Variants in MAP3K13 observed in about 807,000 individuals in gnomAD.
The protein encoded by MAP3K13 is mitogen-activated protein kinase kinase kinase 13.
MAP3K13 carries 52 observed loss-of-function variants against 104.0 expected under a neutral mutation model. The observed-to-expected ratio is 0.50, with a 90% CI of 0.40 to 0.63. The LOEUF (loss-of-function observed/expected upper bound fraction) is 0.63. Among genes scored for constraint, MAP3K13 ranks in the 20% least tolerant of loss-of-function variants. MAP3K13 has a pLI of 0.00. For synonymous variants in MAP3K13, 394 were observed against 442.2 expected (o/e 0.89, Z 1.37); for missense variants, 914 against 1,218.5 (o/e 0.75, Z 3.72).
Position 185,482,271 on chromosome 3 carries a change from C to T in MAP3K13, c.2800-84C>T. The T allele has an allele frequency of 1.0e-6, 1 of 961,044 alleles. No homozygotes were observed. The highest frequency in any genetic ancestry group is 1.7e-6 in the Non-Finnish European group (1 of 593,684). 59.5% of individuals were successfully genotyped at this position (961,044 alleles called of 1,614,324 possible). A position where few individuals can be genotyped will look rare whatever the true frequency, so the allele number is the denominator to read the frequency against. On this transcript the variant is annotated intron_variant, in intron 13 of 13. Coordinates refer to ENST00000265026, the MANE Select transcript of MAP3K13 (RefSeq NM_004721.5). The surrounding 1 kb of genome is among the most constrained non-coding windows in gnomAD (Gnocchi z 4.5). ...ACCTTTGTAGCCCCCTTACCAAGCACAGTGCCTGTTGTGTGGGAGGTGTTT... is the reference window on the plus strand; with the variant it reads ...ACCTTTGTAGCCCCCTTACCAAGCATAGTGCCTGTTGTGTGGGAGGTGTTT...
At chr3:185,295,348 GCGCCCGCCACT>G (rs1334022025) in intron 2 of MAP3K13, among the ~76,000 whole-genome samples, 1 of 152,060 alleles carries the variant, frequency 6.6e-6, no homozygotes, top group Non-Finnish European at 1.5e-5. Flanking sequence ...GGGATTATAG[GCGCCCGCCACT>G]ATGCCTGGCT....
chr3:185,455,751 T>G lies in MAP3K13; in HGVS notation c.1278+4356T>G, dbSNP rs201711480. Among the ~76,000 whole-genome samples, 38 of 12,378 alleles carry G rather than the reference T, an allele frequency of 3.1e-3. 1 individual carries two copies. The highest frequency in any genetic ancestry group is 6.7e-3 in the East Asian group (3 of 448). 8.1% of individuals were successfully genotyped at this position (12,378 alleles called of 152,430 possible). On this transcript the variant is annotated intron_variant, in intron 7 of 13. Coordinates refer to ENST00000265026, the MANE Select transcript of MAP3K13 (RefSeq NM_004721.5). Reference sequence around the variant, plus strand: ...ATATATATATGAGATATATATATGATATATATATGAGATATATATATGATA... The same window carrying G: ...ATATATATATGAGATATATATATGAGATATATATGAGATATATATATGATA...
intron 7 of MAP3K13, among the ~76,000 whole-genome samples, chr3:185,454,880 TATGA>T (rs796751076): frequency 0.033 from 1,706 of 52,232 alleles, 65 homozygotes; most frequent in East Asian, 0.088. Flanking sequence ...GAGATATATA[TATGA>T]TATATATATG....
At position 185,447,602 on chromosome 3, in the gene MAP3K13, A is replaced by T. The variant is rs138057324; in HGVS notation, c.852-187A>T. Among the ~76,000 whole-genome samples, 484 of 152,018 alleles carry T rather than the reference A, an allele frequency of 3.2e-3. 3 individuals carry two copies. Among genetic ancestry groups the T allele is most frequent in the African/African-American group, 0.011 (452 of 41,496 alleles). On this transcript the variant is annotated intron_variant, in intron 4 of 13. Transcript: ENST00000265026. ...TAGGTGTTAAAAGCCCATTACGCTAAACTGCCTCACAAGTATGAATGATGC... is the reference window on the plus strand; with the variant it reads ...TAGGTGTTAAAAGCCCATTACGCTATACTGCCTCACAAGTATGAATGATGC...
chr3:185,402,690 G>A (rs1047119171), intron 1 of MAP3K13, among the ~76,000 whole-genome samples: 7 of 152,146 alleles, frequency 4.6e-5, no homozygotes, highest in African/African-American at 1.4e-4. Context: ...AATCCTGGGC[G>A]CTGTGTTGTT....
intron 1 of MAP3K13, among the ~76,000 whole-genome samples, chr3:185,393,868 A>AT (rs1053157792): frequency 6.6e-6 from 1 of 152,090 alleles, no homozygotes; most frequent in African/African-American, 2.4e-5. Context: ...ATACCCAGTC[A>AT]TTTTTTCTGC....
At chr3:185,417,956 T>G in intron 1 of MAP3K13, 1 of 1,608,246 alleles carries the variant, frequency 6.2e-7, no homozygotes, top group Non-Finnish European at 8.5e-7. Context: ...TTGTAGTTAC[T>G]CTTGAGGGAA....
At chr3:185,454,522 A>ATATGAGATATATATGATATATAT (rs1560116749) in intron 7 of MAP3K13, among the ~76,000 whole-genome samples, 4 of 77,604 alleles carry the variant, frequency 5.2e-5, no homozygotes, top group South Asian at 7.4e-4. Flanking sequence ...TATGATATAT[A>ATATGAGATATATATGATATATAT]CCATATATAT....
At chr3:185,366,600 T>A (rs1340629580) in intron 1 of MAP3K13, among the ~76,000 whole-genome samples, 1 of 152,222 alleles carries the variant, frequency 6.6e-6, no homozygotes, top group Non-Finnish European at 1.5e-5. Flanking sequence ...CAACACTTGT[T>A]ATTATCTATC....
At chr3:185,312,279 C>T (rs767942586) in intron 2 of MAP3K13, among the ~76,000 whole-genome samples, 1 of 152,262 alleles carries the variant, frequency 6.6e-6, no homozygotes, top group Non-Finnish European at 1.5e-5. Context: ...TGCTGCTTTT[C>T]ACTCTCCAAG....
upstream of MAP3K13, among the ~76,000 whole-genome samples, chr3:185,360,985 C>T (rs1214310927): frequency 1.3e-5 from 2 of 151,626 alleles, no homozygotes; most frequent in Non-Finnish European, 1.5e-5. Flanking sequence ...TGCCACCATG[C>T]CCAGCTAATT....
chr3:185,379,504 G>T (rs1290258283), intron 1 of MAP3K13, among the ~76,000 whole-genome samples: 1 of 152,170 alleles, frequency 6.6e-6, no homozygotes, highest in Non-Finnish European at 1.5e-5. Flanking sequence ...TTGGTCTGAG[G>T]ACCCGAGGTT....
At chr3:185,422,643 A>T (rs1205569480) in intron 1 of MAP3K13, among the ~76,000 whole-genome samples, 1 of 152,258 alleles carries the variant, frequency 6.6e-6, no homozygotes, top group African/African-American at 2.4e-5. Flanking sequence ...CGAGGAATTA[A>T]TATAAAGTCT....
chr3:185,350,111 T>C (rs1723082597), intron 2 of MAP3K13, among the ~76,000 whole-genome samples: 1 of 152,252 alleles, frequency 6.6e-6, no homozygotes, highest in Admixed American at 6.5e-5. Context: ...AGAGCACTTA[T>C]GAATTGATCC....
At chr3:185,455,223 T>TGA (rs1231010904) in intron 7 of MAP3K13, among the ~76,000 whole-genome samples, 4 of 23,206 alleles carry the variant, frequency 1.7e-4, no homozygotes, top group African/African-American at 3.3e-4. Context: ...GATATATATA[T>TGA]GATATATATG....
intron 1 of MAP3K13, among the ~76,000 whole-genome samples, chr3:185,389,513 C>G (rs1711907223): frequency 6.6e-6 from 1 of 151,482 alleles, no homozygotes. Flanking sequence ...TATTGTCTAA[C>G]CATGTAAAAA....
chr3:185,350,791 T>C (rs993474417), intron 2 of MAP3K13, among the ~76,000 whole-genome samples: 1 of 152,172 alleles, frequency 6.6e-6, no homozygotes, highest in African/African-American at 2.4e-5. Context: ...AGTTCAACCA[T>C]TGTGGAAAGC....
Position 185,473,319 on chromosome 3 carries a change from T to C in MAP3K13, c.1988T>C (p.Ile663Thr), listed in dbSNP as rs1302740133. 3 of 1,614,058 alleles carry C rather than the reference T, an allele frequency of 1.9e-6. No homozygotes were observed. Among genetic ancestry groups the C allele is most frequent in the Non-Finnish European group, 2.5e-6 (3 of 1,180,030 alleles). Residue 663 changes from isoleucine to threonine, a missense_variant, in exon 11 of 14, where the codon ATA becomes ACA. Ile to Thr is a moderately conservative substitution (Grantham distance 89). Coordinates refer to ENST00000265026, the MANE Select transcript of MAP3K13 (RefSeq NM_004721.5). This position sits in a 1 kb window ranked among gnomAD's most constrained non-coding sequence, Gnocchi z 4.9. Reference sequence around the variant, plus strand: ...AGACTCAATATGCACGGACAGGACATAGCAACCTGCGCCAACAACCTGAGG... The same window carrying C: ...AGACTCAATATGCACGGACAGGACACAGCAACCTGCGCCAACAACCTGAGG... ...HPRLNMHGQD[I>T]ATCANNLRYF...
At chr3:185,415,017 C>T (rs950101976) in intron 1 of MAP3K13, among the ~76,000 whole-genome samples, 1 of 152,146 alleles carries the variant, frequency 6.6e-6, no homozygotes, top group Non-Finnish European at 1.5e-5. Flanking sequence ...ACTCTTAAAA[C>T]ACTTTTTTAA....
Sources: allele counts gnomAD v4.1 joint callset (sites outside exome capture counted in the v4.1 genomes callset), GRCh38; gene constraint gnomAD v4.1.1; non-coding constraint Gnocchi (gnomAD v3.1); transcripts MANE v1.5; gene names NCBI Gene and HGNC (gene_info 2026-07-23, HGNC 2026-07-21).